The following COPE variants were observed in gnomAD, a reference collection of about 807,000 sequenced individuals.
COPE encodes coat protein complex I subunit epsilon.
Under a neutral mutation model 42.1 loss-of-function variants are expected in COPE, and 19 were observed. The ratio of observed to expected loss-of-function variants is 0.45; its 90% confidence interval spans 0.31 to 0.66. COPE has a LOEUF of 0.66. COPE is among the 30% of genes least tolerant of loss of function. The probability of loss-of-function intolerance (pLI) is 0.05; values close to 1 mark genes in which losing one functional copy is unlikely to be tolerated. For missense variants in COPE, 402 were observed against 416.1 expected (o/e 0.97, Z 0.30); for synonymous variants, 195 against 181.3 (o/e 1.08, Z -0.60).
intron 7 of COPE, among the ~76,000 whole-genome samples, chr19:18,902,023 A>G (rs927153569): frequency 6.6e-6 from 1 of 151,914 alleles, no homozygotes; most frequent in Non-Finnish European, 1.5e-5. Context: ...TACTAAAAAT[A>G]CAAAAAATTA....
Position 18,911,073 on chromosome 19 carries a change from T to C in COPE, c.190-2A>G. 1.2e-6 allele frequency: 2 copies of C among 1,613,500 alleles called. No homozygotes were observed. The highest frequency in any genetic ancestry group is 1.7e-6 in the Non-Finnish European group (2 of 1,179,626). On this transcript the variant is annotated splice_acceptor_variant, in intron 2 of 9. Coordinates refer to ENST00000262812, the MANE Select transcript of COPE (RefSeq NM_007263.4). LOFTEE classifies it high-confidence loss of function. Reference sequence around the variant, plus strand: ...ATCCAGGACCACACCGAACTTCCTCTGCAGTAGGGACGAGGCGTCAGCTGC... The same window carrying C: ...ATCCAGGACCACACCGAACTTCCTCCGCAGTAGGGACGAGGCGTCAGCTGC...
chr19:18,912,792 A>G (rs1319501493), intron 2 of COPE, among the ~76,000 whole-genome samples, 192 bp downstream of exon 2: 1 of 150,568 alleles, frequency 6.6e-6, no homozygotes, highest in African/African-American at 2.4e-5. Flanking sequence ...CTGGCCTGGC[A>G]GTCTCAGGCC....
chr19:18,899,791 A>C (rs2056678673), intron 9 of COPE, 65 bp from the exon 10 acceptor site: 21 of 1,610,964 alleles, frequency 1.3e-5, no homozygotes, highest in Admixed American at 1.7e-5. Context: ...GGAGGGAGAG[A>C]GAGAGGGCGC....
intron 1 of COPE, among the ~76,000 whole-genome samples, chr19:18,913,675 A>C (rs1415489291): frequency 1.3e-5 from 2 of 152,208 alleles, no homozygotes; most frequent in Non-Finnish European, 2.9e-5. Context: ...CAGGGTGCCC[A>C]TGGCAGGTGG....
rs923632606 is a variant in COPE at position 18,914,775 on chromosome 19, T to G, written c.127-1729A>C. Among the ~76,000 whole-genome samples the G allele has an allele frequency of 5.4e-5, 8 of 147,716 alleles. No homozygotes were observed. The East Asian group carries it at 1.6e-3, about 30-fold the overall frequency. On this transcript the variant is annotated intron_variant, in intron 1 of 9. Coordinates refer to ENST00000262812, the MANE Select transcript of COPE (RefSeq NM_007263.4). Reference sequence around the variant, plus strand: ...ATAGTCTTTTTTTTTTTTTTTTTTTTGATGGAGTCTTGCTCTGTCACCCAG... The same window carrying G: ...ATAGTCTTTTTTTTTTTTTTTTTTTGGATGGAGTCTTGCTCTGTCACCCAG...
chr19:18,906,236 C>T, intron 4 of COPE: 1 of 309,490 alleles, frequency 3.2e-6, no homozygotes, highest in Non-Finnish European at 5.9e-6. Flanking sequence ...GCCACCCAGG[C>T]TGGAGTGCAG....
chr19:18,899,978 G>A (rs371825289), intron 8 of COPE, 31 bp from the exon 9 acceptor site: 488 of 1,596,122 alleles, frequency 3.1e-4, no homozygotes, highest in Non-Finnish European at 4.0e-4. Context: ...CAGGTGAGCC[G>A]AACACGGGGA....
At chr19:18,904,928 T>C in intron 5 of COPE, 76 bp from the exon 6 acceptor site, 1 of 1,440,064 alleles carries the variant, frequency 6.9e-7, no homozygotes, top group Non-Finnish European at 9.5e-7. Flanking sequence ...TGTCCCCACT[T>C]GGGGCCCACC....
rs745916838 is a variant in COPE at position 18,899,674 on chromosome 19, C to T, written c.*5G>A. The T allele has an allele frequency of 3.7e-6, 6 of 1,613,494 alleles. No homozygotes were observed. ...CTTCATGGTCCTGACAGCTCTGGGC[C>T]AGCCTCAGGCGCTGGGAGCGTACTG... On this transcript the variant is annotated 3_prime_UTR_variant, in exon 10 of 10. Transcript: ENST00000262812.
chr19:18,909,925 AT>A (rs1374424522), intron 3 of COPE, among the ~76,000 whole-genome samples: 1 of 152,114 alleles, frequency 6.6e-6, no homozygotes, highest in Non-Finnish European at 1.5e-5. Context: ...CTTTTTCCAA[AT>A]GATATCATAT....
chr19:18,905,518 G>A, intron 5 of COPE, 58 bp downstream of exon 5: 6 of 1,511,546 alleles, frequency 4.0e-6, no homozygotes, highest in Non-Finnish European at 5.3e-6. Flanking sequence ...GTGACGCTCT[G>A]GGCTGTGACG....
chr19:18,901,821 CAA>C (rs1166422002), intron 7 of COPE, among the ~76,000 whole-genome samples: 1 of 152,016 alleles, frequency 6.6e-6, no homozygotes, highest in Non-Finnish European at 1.5e-5. Flanking sequence ...AAAAAACAAA[CAA>C]AAAACCCCCC....
At chr19:18,900,337 G>T in intron 8 of COPE, 44 bp downstream of exon 8, 1 of 1,494,948 alleles carries the variant, frequency 6.7e-7, no homozygotes, top group Non-Finnish European at 9.1e-7. Context: ...GGGGTCCCAG[G>T]GTCTGGACAT....
At chr19:18,914,959 C>T (rs1412615203) in intron 1 of COPE, among the ~76,000 whole-genome samples, 1 of 151,964 alleles carries the variant, frequency 6.6e-6, no homozygotes, top group Non-Finnish European at 1.5e-5. Flanking sequence ...AACTCCTGAC[C>T]TTGTGAACCA....
intron 7 of COPE, among the ~76,000 whole-genome samples, chr19:18,902,052 C>T (rs543856099): frequency 6.6e-5 from 10 of 151,592 alleles, no homozygotes; most frequent in African/African-American, 4.8e-5. Context: ...TGGTGGTGGG[C>T]GCCTGTAGTC....
intron 1 of COPE, 117 bp downstream of exon 1, chr19:18,919,106 G>A (rs2056886940): frequency 5.7e-6 from 6 of 1,058,254 alleles, no homozygotes; most frequent in African/African-American, 3.2e-5. Flanking sequence ...GGAAGAGGTG[G>A]CCCAAAAAAC....
Position 18,899,625 on chromosome 19 carries a change from G to C in COPE, c.*54C>G, listed in dbSNP as rs2056675915. 1 of 1,604,250 alleles carries C rather than the reference G, an allele frequency of 6.2e-7. No individual in the cohort carries two copies. Among genetic ancestry groups the C allele is most frequent in the Non-Finnish European group, 8.5e-7 (1 of 1,172,426 alleles). ...GATGCCGGGTGGGGAGGGCTGCAGG[G>C]CTGGCTCCTGGCCTCTGTCCTGGCT... On this transcript the variant is annotated 3_prime_UTR_variant, in exon 10 of 10. Transcript: ENST00000262812.
chr19:18,904,740 A>T (rs779330722), intron 6 of COPE, 31 bp downstream of exon 6: 1 of 1,544,692 alleles, frequency 6.5e-7, no homozygotes, highest in East Asian at 2.4e-5. Flanking sequence ...GGTGCCCGCA[A>T]TGCCCACCCA....
At chr19:18,899,840 G>A (rs769576145) in intron 9 of COPE, 33 bp downstream of exon 9, 3 of 1,612,150 alleles carry the variant, frequency 1.9e-6, no homozygotes, top group South Asian at 1.1e-5. Context: ...CCCCTGGCCT[G>A]GTTCTCGGGG....
Sources: allele counts gnomAD v4.1 joint callset (sites outside exome capture counted in the v4.1 genomes callset), GRCh38; gene constraint gnomAD v4.1.1; transcripts MANE v1.5; gene names NCBI Gene and HGNC (gene_info 2026-07-23, HGNC 2026-07-21).